The following FHOD3 variants were observed in gnomAD, a reference collection of about 807,000 sequenced individuals.
The protein encoded by FHOD3 is FH1/FH2 domain-containing protein 3.
FHOD3 carries 90 observed loss-of-function variants against 173.0 expected under a neutral mutation model. That is an observed-to-expected ratio of 0.52 (90% CI 0.44 to 0.62). The LOEUF (loss-of-function observed/expected upper bound fraction) is 0.62. Among genes scored for constraint, FHOD3 ranks in the 20% least tolerant of loss-of-function variants. The pLI, the probability that FHOD3 is intolerant of heterozygous loss-of-function variation, is 0.00. For synonymous variants in FHOD3, 828 were observed against 823.0 expected (o/e 1.01, Z -0.10); for missense variants, 1,945 against 2,034.7 (o/e 0.96, Z 0.85).
chr18:36,512,642 G>A (rs2055720894), intron 5 of FHOD3, 99 bp downstream of exon 5: 5 of 828,234 alleles, frequency 6.0e-6, no homozygotes, highest in Middle Eastern at 2.8e-4. Flanking sequence ...AAAAGACTTC[G>A]ATTTGAGAGT....
At chr18:36,329,082 G>A (rs1568128957) in intron 1 of FHOD3, among the ~76,000 whole-genome samples, 1 of 152,042 alleles carries the variant, frequency 6.6e-6, no homozygotes, top group East Asian at 1.9e-4. Flanking sequence ...TTCTTGCCCC[G>A]AATCCCCCAT....
At chr18:36,311,422 G>A (rs1204416436) in intron 1 of FHOD3, among the ~76,000 whole-genome samples, 8 of 152,164 alleles carry the variant, frequency 5.3e-5, no homozygotes, top group Non-Finnish European at 1.5e-5. Flanking sequence ...ACCAAGGGCT[G>A]GCAAAATGGT....
intron 17 of FHOD3, among the ~76,000 whole-genome samples, 155 bp from the exon 18 acceptor site, chr18:36,708,940 C>T (rs980716748): frequency 5.3e-5 from 8 of 152,170 alleles, no homozygotes; most frequent in Admixed American, 1.3e-4. Flanking sequence ...AGCATTGCCT[C>T]GATGAGTGTT....
rs114439349 is a variant in FHOD3 at position 36,761,671 on chromosome 18, T to G, written c.4624+889T>G. On this transcript the variant is annotated intron_variant, in intron 27 of 28. Transcript: ENST00000590592. ...CATTCACCTCATCCTCTGGGCACTG[T>G]CCCTATCACCAGGCCACTCTTTCTC... Among the ~76,000 whole-genome samples the G allele has an allele frequency of 2.2e-3, 337 of 152,136 alleles. 1 individual carries two copies. Among genetic ancestry groups the G allele is most frequent in the African/African-American group, 7.9e-3 (326 of 41,508 alleles).
intron 6 of FHOD3, among the ~76,000 whole-genome samples, chr18:36,580,599 T>C (rs2058814412): frequency 6.6e-6 from 1 of 152,236 alleles, no homozygotes; most frequent in Non-Finnish European, 1.5e-5. Context: ...CAAGTTTATT[T>C]CCAGTCTACA....
chr18:36,468,060 C>T (rs2053051182), intron 3 of FHOD3, among the ~76,000 whole-genome samples: 1 of 152,240 alleles, frequency 6.6e-6, no homozygotes, highest in Admixed American at 6.5e-5. Context: ...CACTTCCACT[C>T]TATTGTGGCC....
At chr18:36,439,687 GCCAA>G (rs1340086752) in intron 3 of FHOD3, among the ~76,000 whole-genome samples, 1 of 152,028 alleles carries the variant, frequency 6.6e-6, no homozygotes, top group Non-Finnish European at 1.5e-5. Flanking sequence ...GAGTTTGATG[GCCAA>G]GAACCAGGGG....
rs146644150 is a variant in FHOD3 at position 36,542,029 on chromosome 18, C to A, written c.511+29486C>A. 1.1e-3 allele frequency among the ~76,000 whole-genome samples: 166 copies of A among 152,296 alleles called. 1 individual carries two copies. The East Asian group carries it at 0.022, about 20-fold the overall frequency. On this transcript the variant is annotated intron_variant, in intron 5 of 28. Transcript: ENST00000590592. The stretch of plus-strand genomic sequence containing the variant: ...CCCTTGCCAGTCCAGTCTTCACCAG[C>A]CCCACATCAAAGCTGTTTTACAAAT...
At chr18:36,494,436 G>A (rs916899648) in intron 3 of FHOD3, among the ~76,000 whole-genome samples, 8 of 152,176 alleles carry the variant, frequency 5.3e-5, no homozygotes, top group Non-Finnish European at 1.2e-4. Flanking sequence ...ACACCTTCTT[G>A]TGGTTACCAA....
intron 5 of FHOD3, among the ~76,000 whole-genome samples, chr18:36,553,297 C>G (rs1201874197): frequency 1.3e-5 from 2 of 152,198 alleles, no homozygotes; most frequent in African/African-American, 4.8e-5. Flanking sequence ...GGTTGTGTCT[C>G]TGCCAGGCTT....
intron 3 of FHOD3, among the ~76,000 whole-genome samples, chr18:36,390,252 G>A (rs955141971): frequency 2.0e-5 from 3 of 152,208 alleles, no homozygotes; most frequent in Non-Finnish European, 4.4e-5. Context: ...GTGACAGGCA[G>A]CTGCTCCTGC....
chr18:36,436,791 G>A (rs1232942121), intron 3 of FHOD3, among the ~76,000 whole-genome samples: 1 of 152,152 alleles, frequency 6.6e-6, no homozygotes. Flanking sequence ...AAGATTCAAG[G>A]TGTGTTTTGA....
intron 24 of FHOD3, among the ~76,000 whole-genome samples, chr18:36,749,037 A>G (rs2042288043): frequency 6.6e-6 from 1 of 152,106 alleles, no homozygotes; most frequent in African/African-American, 2.4e-5. Flanking sequence ...GGATCATCTT[A>G]GTCATGCAAA....
chr18:36,354,728 C>T (rs2046279021), intron 1 of FHOD3, among the ~76,000 whole-genome samples: 1 of 152,086 alleles, frequency 6.6e-6, no homozygotes, highest in Non-Finnish European at 1.5e-5. Context: ...ATTGCTTGAA[C>T]CCGGGAGGCA....
chr18:36,536,097 T>G (rs2056980652), intron 5 of FHOD3, among the ~76,000 whole-genome samples: 1 of 152,212 alleles, frequency 6.6e-6, no homozygotes, highest in South Asian at 2.1e-4. Context: ...TCAAATTGAT[T>G]ATAAATGTTT....
At chr18:36,437,893 ACCT>A (rs1394045988) in intron 3 of FHOD3, among the ~76,000 whole-genome samples, 1 of 151,932 alleles carries the variant, frequency 6.6e-6, no homozygotes, top group East Asian at 1.9e-4. Flanking sequence ...TGATCTCCTG[ACCT>A]CGTGATCCAT....
At chr18:36,762,786 ACT>A (rs1202128101) in intron 27 of FHOD3, among the ~76,000 whole-genome samples, 1 of 149,274 alleles carries the variant, frequency 6.7e-6, no homozygotes, top group Non-Finnish European at 1.5e-5. Context: ...AAGAAGCAAG[ACT>A]CTGTCTCAAA....
intron 27 of FHOD3, among the ~76,000 whole-genome samples, chr18:36,764,174 G>A (rs1470848409): frequency 6.6e-6 from 1 of 152,196 alleles, no homozygotes; most frequent in Non-Finnish European, 1.5e-5. Flanking sequence ...GAAGTGATTG[G>A]AGAGAGAGTG....
chr18:36,649,245 T>A, intron 10 of FHOD3, 71 bp from the exon 11 acceptor site: 5 of 1,060,788 alleles, frequency 4.7e-6, no homozygotes, highest in Non-Finnish European at 6.8e-6. Context: ...CATCTTCCTG[T>A]TTGTCTGTAA....
Sources: gnomAD v4.1 joint callset for allele counts (sites outside exome capture counted in the v4.1 genomes callset) on GRCh38, gnomAD v4.1.1 for gene constraint, MANE v1.5 for transcripts, NCBI Gene and HGNC (gene_info 2026-07-23, HGNC 2026-07-21) for gene names.